ACADM: variants seen among roughly 807,000 people sequenced by gnomAD.
ACADM encodes the protein medium-chain specific acyl-CoA dehydrogenase, mitochondrial.
A neutral mutation model predicts 58.9 loss-of-function variants in ACADM; 49 were observed. The observed-to-expected ratio is 0.83, with a 90% CI of 0.66 to 1.06. The LOEUF is 1.06. Among genes scored for constraint, ACADM ranks in the 50% least tolerant of loss-of-function variants. The probability of loss-of-function intolerance (pLI) is 0.00; values close to 1 mark genes in which losing one functional copy is unlikely to be tolerated. For missense variants in ACADM, 496 were observed against 507.0 expected (o/e 0.98, Z 0.21); for synonymous variants, 160 against 157.7 (o/e 1.01, Z -0.11).
intron 10 of ACADM, among the ~76,000 whole-genome samples, chr1:75,759,099 A>G (rs903054851): frequency 6.6e-6 from 1 of 152,134 alleles, no homozygotes; most frequent in Admixed American, 6.5e-5. Context: ...ATCTGAAGGA[A>G]CAAACTCCAG....
intron 10 of ACADM, among the ~76,000 whole-genome samples, chr1:75,759,855 T>C (rs1648728124): frequency 6.6e-6 from 1 of 151,742 alleles, no homozygotes; most frequent in African/African-American, 2.4e-5. Context: ...GAGACGGGGT[T>C]TATCCATGTT....
chr1:75,725,733 CAGAG>C (rs956352036), intron 1 of ACADM, among the ~76,000 whole-genome samples: 1 of 152,190 alleles, frequency 6.6e-6, no homozygotes. Context: ...TTGTTCTAGA[CAGAG>C]AGCCCGAAGT....
At chr1:75,762,019 C>G (rs564744130) in intron 11 of ACADM, among the ~76,000 whole-genome samples, 1 of 152,220 alleles carries the variant, frequency 6.6e-6, no homozygotes, top group Non-Finnish European at 1.5e-5. Context: ...GAATGTTACA[C>G]GTAGTGCAGC....
chr1:75,751,464 A>G (rs1203259674), intron 10 of ACADM, among the ~76,000 whole-genome samples: 1 of 150,922 alleles, frequency 6.6e-6, no homozygotes, highest in Non-Finnish European at 1.5e-5. Context: ...AGGCCACACA[A>G]TTTATAAGTC....
At chr1:75,724,870 C>T (rs1647022901) in intron 1 of ACADM, 53 bp downstream of exon 1, 11 of 1,388,436 alleles carry the variant, frequency 7.9e-6, no homozygotes, top group South Asian at 1.8e-5. Context: ...ATTGTGGTGT[C>T]GGAGCAGGGG....
At chr1:75,726,474 G>C (rs1647059792) in intron 1 of ACADM, among the ~76,000 whole-genome samples, 1 of 151,856 alleles carries the variant, frequency 6.6e-6, no homozygotes, top group Admixed American at 6.6e-5. Context: ...TTTTTGTTCT[G>C]ATTTTTGTGG....
At chr1:75,748,205 G>A (rs924630396) in intron 8 of ACADM, among the ~76,000 whole-genome samples, 12 of 152,224 alleles carry the variant, frequency 7.9e-5, no homozygotes, top group African/African-American at 2.6e-4. Context: ...AAAAAATAAA[G>A]CAAATGTATC....
chr1:75,754,691 C>T (rs924724905), intron 10 of ACADM, among the ~76,000 whole-genome samples: 1 of 152,214 alleles, frequency 6.6e-6, no homozygotes, highest in African/African-American at 2.4e-5. Flanking sequence ...CAGGTCCCAG[C>T]ATGAGTGACA....
intron 7 of ACADM, chr1:75,743,407 G>A (rs1294800613): frequency 1.2e-6 from 2 of 1,608,276 alleles, no homozygotes; most frequent in Admixed American, 1.7e-5. Context: ...TGTAGGGTGT[G>A]TGGGTTCCTC....
At chr1:75,745,372 A>G in intron 7 of ACADM, 1 of 174,426 alleles carries the variant, frequency 5.7e-6, no homozygotes, top group Non-Finnish European at 1.2e-5. Flanking sequence ...TGCCCATAGT[A>G]CCAGTGACTC....
At chr1:75,746,899 A>G (rs753536440) in intron 8 of ACADM, among the ~76,000 whole-genome samples, 1 of 152,060 alleles carries the variant, frequency 6.6e-6, no homozygotes. Flanking sequence ...GCGCCCAACC[A>G]AAGTCCCAAA....
chr1:75,757,353 A>G (rs1410843422), intron 10 of ACADM, among the ~76,000 whole-genome samples: 1 of 152,182 alleles, frequency 6.6e-6, no homozygotes, highest in Non-Finnish European at 1.5e-5. Flanking sequence ...AACTCAAACA[A>G]ATTTACAAGA....
intron 6 of ACADM, among the ~76,000 whole-genome samples, chr1:75,737,294 A>T (rs1203235181): frequency 3.2e-4 from 29 of 89,988 alleles, no homozygotes; most frequent in African/African-American, 9.8e-4. Flanking sequence ...ATATATATAT[A>T]TATATATATA....
chr1:75,744,115 T>C (rs566379218), intron 7 of ACADM: 1 of 1,585,468 alleles, frequency 6.3e-7, no homozygotes, highest in Non-Finnish European at 8.7e-7. Flanking sequence ...CCTGATGTTC[T>C]GAATGCAGAC....
At chr1:75,748,600 A>T (rs1011873079) in intron 8 of ACADM, among the ~76,000 whole-genome samples, 4 of 152,234 alleles carry the variant, frequency 2.6e-5, no homozygotes, top group Non-Finnish European at 5.9e-5. Flanking sequence ...GAAGCACTAT[A>T]CTAAGTGAAA....
At chr1:75,725,587 A>G (rs1202075162) in intron 1 of ACADM, among the ~76,000 whole-genome samples, 1 of 152,192 alleles carries the variant, frequency 6.6e-6, no homozygotes, top group Non-Finnish European at 1.5e-5. Flanking sequence ...CCAAGGAAGG[A>G]TCTAAAAAAA....
At position 75,732,750 on chromosome 1, in the gene ACADM, A is replaced by C; in HGVS notation, c.216+9A>C. On this transcript the variant is annotated intron_variant, in intron 3 of 11. Coordinates refer to ENST00000370841, the MANE Select transcript of ACADM (RefSeq NM_000016.6). ...ATGATAAAACTGGTGAAGTAGGTAT[A>C]TACATTTTAAAGAGGGAAAAATCTT... is the stretch of plus-strand genomic sequence containing the variant. 1 of 1,611,276 alleles carries C rather than the reference A, an allele frequency of 6.2e-7. No individual in the cohort carries two copies. The highest frequency in any genetic ancestry group is 1.3e-5 in the African/African-American group (1 of 75,012).
Position 75,733,537 on chromosome 1 carries a change from G to T in ACADM, c.296G>T (p.Gly99Val), listed in dbSNP as rs370608001. ...CATTTTGATACTGTAGGAGGTCTTG[G>T]ACTTGGAACTTTTGATGCTTGTTTA... is the stretch of plus-strand genomic sequence containing the variant. The part of the protein sequence containing the change: ...THIPENCGGL[G>V]LGTFDACLIS... The change falls in exon 5 of 12, where the codon GGA becomes GTA. Residue 99 changes from glycine (G) to valine (V), a missense_variant. Coordinates refer to ENST00000370841, the MANE Select transcript of ACADM (RefSeq NM_000016.6). 2.5e-6 allele frequency: 4 copies of T among 1,613,646 alleles called. No homozygotes were observed. Among genetic ancestry groups the T allele is most frequent in the East Asian group, 2.2e-5 (1 of 44,858 alleles).
rs1375896129 is a variant in ACADM at position 75,743,804 on chromosome 1, G to T, written c.600-2002G>T. On this transcript the variant is annotated intron_variant, in intron 7 of 11. Transcript: ENST00000370841. Reference sequence around the variant, plus strand: ...CTGATGACTGGAACCACCAGACCCTGTGGGGTGGCCACTGCAACACTGATG... The same window carrying T: ...CTGATGACTGGAACCACCAGACCCTTTGGGGTGGCCACTGCAACACTGATG... 93 of 1,508,946 alleles carry T rather than the reference G, an allele frequency of 6.2e-5. No homozygotes were observed. The Admixed American group carries it at 1.5e-3, about 24-fold the overall frequency. 93.5% of individuals were successfully genotyped at this position (1,508,946 alleles called of 1,614,324 possible).
Sources: gnomAD v4.1 joint callset for allele counts (sites outside exome capture counted in the v4.1 genomes callset) on GRCh38, gnomAD v4.1.1 for gene constraint, MANE v1.5 for transcripts, NCBI Gene and HGNC (gene_info 2026-07-23, HGNC 2026-07-21) for gene names.